NOS1AP: variants seen among roughly 807,000 people sequenced by gnomAD.
NOS1AP encodes carboxyl-terminal PDZ ligand of neuronal nitric oxide synthase protein.
Under a neutral mutation model 56.2 loss-of-function variants are expected in NOS1AP, and 21 were observed. The observed-to-expected ratio is 0.37, with a 90% CI of 0.26 to 0.54. The LOEUF is 0.54. Among genes scored for constraint, NOS1AP ranks in the 20% least tolerant of loss-of-function variants. The pLI is 0.84. For synonymous variants in NOS1AP, 270 were observed against 274.6 expected (o/e 0.98, Z 0.17); for missense variants, 522 against 657.8 (o/e 0.79, Z 2.26).
chr1:162,344,184 G>A (rs1435018001), intron 6 of NOS1AP, among the ~76,000 whole-genome samples: 1 of 152,200 alleles, frequency 6.6e-6, no homozygotes, highest in Non-Finnish European at 1.5e-5. Flanking sequence ...AAATGAGGAA[G>A]TATTTAAACT....
At chr1:162,321,089 T>C (rs1656399709) in intron 4 of NOS1AP, among the ~76,000 whole-genome samples, 1 of 152,264 alleles carries the variant, frequency 6.6e-6, no homozygotes, top group African/African-American at 2.4e-5. Context: ...CTTTAATCCA[T>C]CTTGAATTAA....
At chr1:162,129,380 C>T (rs1322116845) in intron 1 of NOS1AP, among the ~76,000 whole-genome samples, 1 of 152,250 alleles carries the variant, frequency 6.6e-6, no homozygotes, top group South Asian at 2.1e-4. Context: ...TGCCCACTAG[C>T]CCACAGCATC....
chr1:162,196,590 G>C (rs1651812570), intron 2 of NOS1AP, among the ~76,000 whole-genome samples: 1 of 152,208 alleles, frequency 6.6e-6, no homozygotes, highest in African/African-American at 2.4e-5. Flanking sequence ...GCTGGAATGA[G>C]TAGGGGCCAA....
rs1001767300 is a variant in NOS1AP, at chr1:162,367,857, G to A, written c.*390G>A. ...CCCCCTCACTCTCCCCGTCTCCATG[G>A]TCCCGACCAGGAAGGGAAGCCATCG... On this transcript the variant is annotated 3_prime_UTR_variant, in exon 10 of 10. Transcript: ENST00000361897. This position sits in a 1 kb window ranked among gnomAD's most constrained non-coding sequence, Gnocchi z 6.5. 19 of 199,282 alleles carry A rather than the reference G, an allele frequency of 9.5e-5. No individual in the cohort carries two copies. The highest frequency in any genetic ancestry group is 5.0e-4 in the South Asian group (4 of 7,958). 12.3% of individuals were successfully genotyped at this position (199,282 alleles called of 1,614,324 possible).
intron 2 of NOS1AP, among the ~76,000 whole-genome samples, chr1:162,204,203 T>C (rs990276783): frequency 2.0e-5 from 3 of 152,246 alleles, no homozygotes; most frequent in Non-Finnish European, 2.9e-5. Flanking sequence ...GACTTCACTT[T>C]GTGTTTCCCC....
intron 1 of NOS1AP, among the ~76,000 whole-genome samples, chr1:162,151,897 G>A (rs1282844709): frequency 6.6e-6 from 1 of 152,126 alleles, no homozygotes; most frequent in Non-Finnish European, 1.5e-5. Context: ...GACTGTGTGT[G>A]AAGGTGTGTG....
rs902782843 is a variant in NOS1AP at position 162,211,314 on chromosome 1, G to A, written c.177+56838G>A. 3.9e-5 allele frequency among the ~76,000 whole-genome samples: 6 copies of A among 152,196 alleles called. No homozygotes were observed. In the East Asian group the frequency reaches 1.2e-3, roughly 29 times the overall value. Reference sequence around the variant, plus strand: ...CTGGTAAGGGCTGTCTCTTTGGGTTGCAGATGATTCTTGCTACGTCCTCAC... The same window carrying A: ...CTGGTAAGGGCTGTCTCTTTGGGTTACAGATGATTCTTGCTACGTCCTCAC... On this transcript the variant is annotated intron_variant, in intron 2 of 9. Transcript: ENST00000361897.
At chr1:162,115,708 C>A (rs993448970) in intron 1 of NOS1AP, among the ~76,000 whole-genome samples, 3 of 152,088 alleles carry the variant, frequency 2.0e-5, no homozygotes, top group Non-Finnish European at 2.9e-5. Flanking sequence ...AGGTTGAGGG[C>A]AAGTTGGAGT....
chr1:162,332,315 C>A (rs75138167), intron 4 of NOS1AP, among the ~76,000 whole-genome samples: 1 of 152,172 alleles, frequency 6.6e-6, no homozygotes, highest in African/African-American at 2.4e-5. Flanking sequence ...TGCTCCATCC[C>A]TTAGTCTGCC....
intron 1 of NOS1AP, among the ~76,000 whole-genome samples, chr1:162,095,217 G>A (rs1692212899): frequency 6.6e-6 from 1 of 152,174 alleles, no homozygotes; most frequent in South Asian, 2.1e-4. Flanking sequence ...CCAGTGTGAT[G>A]CTATTTGGAG....
chr1:162,259,951 G>A (rs1472481630), intron 2 of NOS1AP, among the ~76,000 whole-genome samples: 1 of 151,908 alleles, frequency 6.6e-6, no homozygotes, highest in African/African-American at 2.4e-5. Context: ...TTATCTAACA[G>A]CTTACTTATT....
chr1:162,099,196 T>C (rs1225504039), intron 1 of NOS1AP, among the ~76,000 whole-genome samples: 2 of 107,658 alleles, frequency 1.9e-5, no homozygotes, highest in Non-Finnish European at 4.9e-5. Flanking sequence ...ACTTTTTTTT[T>C]GTTTTTTTTT....
In NOS1AP at chr1:162,333,092, C is replaced by T. The variant is rs775651688; in HGVS notation, c.420C>T (p.Ile140=). The change falls in exon 5 of 10, where the codon ATC becomes ATT. Residue 140 remains isoleucine, a synonymous_variant. Coordinates refer to ENST00000361897, the MANE Select transcript of NOS1AP (RefSeq NM_014697.3). The part of the protein sequence containing the change: ...SYIARDGASN[I]FRCNVFKSKK... ...TCGCTCGAGATGGTGCCAGCAATAT[C>T]TTCAGGTGTAACGTCTTTAAATCCA... The T allele has an allele frequency of 9.9e-6, 16 of 1,613,664 alleles. No homozygotes were observed. Among genetic ancestry groups the T allele is most frequent in the Non-Finnish European group, 1.4e-5 (16 of 1,179,736 alleles).
Position 162,357,039 on chromosome 1 carries a change from T to C in NOS1AP, c.842T>C (p.Leu281Pro). The C allele has an allele frequency of 1.2e-6, 2 of 1,613,792 alleles. No individual in the cohort carries two copies. The highest frequency in any genetic ancestry group is 1.7e-6 in the Non-Finnish European group (2 of 1,180,028). ...LPSSSSKPPG[L>P]GTETPLSTHH... The stretch of plus-strand genomic sequence containing the variant: ...TCTTCTTCCTCGAAGCCTCCAGGCC[T>C]GGGCACAGAGACACCGCTGTCCACT... The change falls in exon 8 of 10, where the codon CTG becomes CCG. Residue 281 changes from leucine to proline, a missense_variant. This residue lies in a region of NOS1AP where 178 missense variants were observed against 165.0 expected (regional missense o/e 1.08). Coordinates refer to ENST00000361897, the MANE Select transcript of NOS1AP (RefSeq NM_014697.3).
intron 2 of NOS1AP, among the ~76,000 whole-genome samples, chr1:162,163,429 A>C (rs1650324297): frequency 6.6e-6 from 1 of 152,168 alleles, no homozygotes; most frequent in African/African-American, 2.4e-5. Context: ...CATTTGAAAA[A>C]ATAAATTGAC....
intron 2 of NOS1AP, among the ~76,000 whole-genome samples, chr1:162,269,997 T>C (rs1319159165): frequency 6.6e-6 from 1 of 152,168 alleles, no homozygotes; most frequent in African/African-American, 2.4e-5. Flanking sequence ...TGAGGTTTCA[T>C]GAGACTATGA....
At chr1:162,364,863 T>C (rs1457770423) in intron 8 of NOS1AP, 2 of 992,824 alleles carry the variant, frequency 2.0e-6, no homozygotes, top group East Asian at 1.1e-4. Context: ...TTTCTCACTA[T>C]GTTTGGGTGA....
intron 1 of NOS1AP, among the ~76,000 whole-genome samples, chr1:162,117,705 C>G (rs1162829767): frequency 6.6e-6 from 1 of 152,222 alleles, no homozygotes; most frequent in East Asian, 1.9e-4. Context: ...CAGGCTGTAG[C>G]TAAAGTGCCT....
At chr1:162,260,913 T>C (rs2101704731) in intron 2 of NOS1AP, among the ~76,000 whole-genome samples, 1 of 152,242 alleles carries the variant, frequency 6.6e-6, no homozygotes, top group Admixed American at 6.5e-5. Context: ...CTGATAATTA[T>C]GTAGTTTATA....
Sources: allele counts gnomAD v4.1 joint callset (sites outside exome capture counted in the v4.1 genomes callset), GRCh38; gene constraint gnomAD v4.1.1; regional missense constraint gnomAD v4.1.1; non-coding constraint Gnocchi (gnomAD v3.1); transcripts MANE v1.5; gene names NCBI Gene and HGNC (gene_info 2026-07-23, HGNC 2026-07-21).